GPR137B: variants seen among roughly 807,000 people sequenced by gnomAD.
GPR137B encodes the protein integral membrane protein GPR137B.
In GPR137B, 42 loss-of-function variants were observed where a neutral mutation model predicts 42.5. The ratio of observed to expected loss-of-function variants is 0.99; its 90% CI spans 0.77 to 1.28. The LOEUF (loss-of-function observed/expected upper bound fraction) is 1.28. GPR137B is among the 50% of genes most tolerant of loss of function. The pLI is 0.00. For synonymous variants in GPR137B, 218 were observed against 209.7 expected, an observed-to-expected ratio of 1.04 and a Z score of -0.34; for missense variants, 487 against 493.9, an observed-to-expected ratio of 0.99 and a Z score of 0.13.
At chr1:236,185,580 G>A (rs935372962) in intron 5 of GPR137B, among the ~76,000 whole-genome samples, 25 of 152,000 alleles carry the variant, frequency 1.6e-4, no homozygotes, top group African/African-American at 6.0e-4. Context: ...TTTTGAGACA[G>A]GGTCTTGCTC....
intron 5 of GPR137B, among the ~76,000 whole-genome samples, chr1:236,194,520 G>A (rs748187823): frequency 6.6e-5 from 10 of 152,166 alleles, no homozygotes; most frequent in Non-Finnish European, 1.5e-4. Flanking sequence ...TTAGATAGCC[G>A]TCATGTGGCC....
At chr1:236,186,580 A>C (rs187359878) in intron 5 of GPR137B, among the ~76,000 whole-genome samples, 118 of 149,382 alleles carry the variant, frequency 7.9e-4, no homozygotes, top group African/African-American at 2.7e-3. Flanking sequence ...GAGTGAGAAC[A>C]TGCGGTGTTT....
chr1:236,174,233 G>A (rs1025591994), intron 2 of GPR137B, among the ~76,000 whole-genome samples: 15 of 152,148 alleles, frequency 9.9e-5, no homozygotes, highest in African/African-American at 3.4e-4. Context: ...ACAGGCTTTT[G>A]TTGAGTAGAC....
rs1458698190 is a variant in GPR137B at position 236,155,262 on chromosome 1, G to A, written c.414+12226G>A. ...GGCTGACACGGGCTGTCCCTGGGAA[G>A]GAACTTCAAGTCATGGAGCTGTCAA... On this transcript the variant is annotated intron_variant, in intron 1 of 6. Coordinates refer to ENST00000366592, the MANE Select transcript of GPR137B (RefSeq NM_003272.4). This position sits in a 1 kb window ranked among gnomAD's most constrained non-coding sequence, Gnocchi z 4.6. 2.0e-5 allele frequency among the ~76,000 whole-genome samples: 3 copies of A among 152,228 alleles called. No homozygotes were observed. The highest frequency in any genetic ancestry group is 4.8e-5 in the African/African-American group (2 of 41,458).
intron 2 of GPR137B, among the ~76,000 whole-genome samples, chr1:236,176,659 C>G (rs972804475): frequency 1.3e-5 from 2 of 152,182 alleles, no homozygotes; most frequent in African/African-American, 4.8e-5. Context: ...AGGGGAAGAT[C>G]TAGCAGCTAC....
intron 4 of GPR137B, 180 bp downstream of exon 4, chr1:236,180,208 TGA>T: frequency 1.7e-6 from 1 of 573,090 alleles, no homozygotes; most frequent in South Asian, 2.4e-5. Context: ...AATCTCTAGA[TGA>T]TTTACAATAC....
chr1:236,207,132 G>A, intron 6 of GPR137B: 3 of 984,962 alleles, frequency 3.0e-6, no homozygotes, highest in Non-Finnish European at 3.6e-6. Context: ...CCTTGTTTTA[G>A]GGACAGAAGT....
chr1:236,178,316 T>G, intron 2 of GPR137B, 98 bp from the exon 3 acceptor site: 2 of 728,150 alleles, frequency 2.7e-6, no homozygotes, highest in Non-Finnish European at 4.9e-6. Context: ...ATGTCACCTT[T>G]GGTGTGTCTG....
At chr1:236,190,138 C>T (rs1395465647) in intron 5 of GPR137B, among the ~76,000 whole-genome samples, 1 of 131,492 alleles carries the variant, frequency 7.6e-6, no homozygotes, top group Admixed American at 7.9e-5. Flanking sequence ...GACTGCAACT[C>T]CTGCTTCTTC....
At chr1:236,186,475 T>C (rs1663042556) in intron 5 of GPR137B, among the ~76,000 whole-genome samples, 1 of 147,406 alleles carries the variant, frequency 6.8e-6, no homozygotes, top group Non-Finnish European at 1.5e-5. Flanking sequence ...CTCCTAATGC[T>C]CTCCCTCCCC....
At chr1:236,190,242 G>T (rs919057188) in intron 5 of GPR137B, among the ~76,000 whole-genome samples, 1 of 148,046 alleles carries the variant, frequency 6.8e-6, no homozygotes, top group African/African-American at 2.5e-5. Context: ...CGTGAGATGG[G>T]TCTCCTGAAT....
intron 4 of GPR137B, among the ~76,000 whole-genome samples, chr1:236,181,592 A>C (rs1481784141): frequency 6.6e-6 from 1 of 152,214 alleles, no homozygotes; most frequent in Non-Finnish European, 1.5e-5. Flanking sequence ...ATAGTGCTCA[A>C]ACCCTGAGCT....
At chr1:236,158,625 C>T (rs554398315) in intron 1 of GPR137B, among the ~76,000 whole-genome samples, 2 of 152,322 alleles carry the variant, frequency 1.3e-5, no homozygotes, top group East Asian at 3.9e-4. Context: ...GTGATAGAGA[C>T]TGGTTTCTTT....
chr1:236,180,638 T>A (rs974883314), intron 4 of GPR137B, among the ~76,000 whole-genome samples: 14 of 151,768 alleles, frequency 9.2e-5, no homozygotes, highest in African/African-American at 3.1e-4. Context: ...ACTTAATTTT[T>A]TTTTTTTTTT....
At chr1:236,175,134 G>C (rs763488182) in intron 2 of GPR137B, among the ~76,000 whole-genome samples, 6 of 152,200 alleles carry the variant, frequency 3.9e-5, no homozygotes, top group Non-Finnish European at 7.3e-5. Context: ...CGAGGCTGCA[G>C]TGAGCCATGA....
intron 1 of GPR137B, among the ~76,000 whole-genome samples, chr1:236,161,515 T>TCC (rs1662196310): frequency 6.6e-5 from 10 of 151,998 alleles, no homozygotes; most frequent in African/African-American, 2.2e-4. Flanking sequence ...CACTCACACC[T>TCC]TCTCACGCCT....
chr1:236,152,047 C>T (rs1661882963), intron 1 of GPR137B, among the ~76,000 whole-genome samples: 1 of 152,190 alleles, frequency 6.6e-6, no homozygotes, highest in African/African-American at 2.4e-5. Flanking sequence ...TCTGGGAAGA[C>T]AGCACACATC....
At chr1:236,184,342 C>A (rs1268070590) in intron 5 of GPR137B, among the ~76,000 whole-genome samples, 1 of 152,122 alleles carries the variant, frequency 6.6e-6, no homozygotes, top group Non-Finnish European at 1.5e-5. Context: ...GAGGATAGGG[C>A]AATAAGAGAC....
At chr1:236,147,817 A>G (rs773786236) in intron 1 of GPR137B, among the ~76,000 whole-genome samples, 2 of 152,216 alleles carry the variant, frequency 1.3e-5, no homozygotes, top group Non-Finnish European at 2.9e-5. Context: ...CCCTGCTGGT[A>G]GCAGGCTGTT....
Sources: allele counts gnomAD v4.1 joint callset (sites outside exome capture counted in the v4.1 genomes callset), GRCh38; gene constraint gnomAD v4.1.1; non-coding constraint Gnocchi (gnomAD v3.1); transcripts MANE v1.5; gene names NCBI Gene and HGNC (gene_info 2026-07-23, HGNC 2026-07-21).